CFLAR: variants seen among roughly 807,000 people sequenced by gnomAD.
CFLAR encodes CASP8 and FADD like apoptosis regulator, also known as CASP8 and FADD-like apoptosis regulator.
Under a neutral mutation model 51.1 loss-of-function variants are expected in CFLAR, and 14 were observed. That is an observed-to-expected ratio of 0.27 (90% CI 0.18 to 0.43). The LOEUF is 0.43. Among genes scored for constraint, CFLAR ranks in the 20% least tolerant of loss-of-function variants. The pLI, the probability that CFLAR is intolerant of heterozygous loss-of-function variation, is 1.00. For missense variants in CFLAR, 390 were observed against 566.5 expected (o/e 0.69, Z 3.16); for synonymous variants, 210 against 211.6 (o/e 0.99, Z 0.06).
intron 5 of CFLAR, chr2:201,141,916 C>G (rs1938995503): frequency 6.6e-6 from 1 of 152,430 alleles, no homozygotes; most frequent in Admixed American, 6.6e-5. Context: ...GTGTTAACAG[C>G]TCTTTTAGAA....
chr2:201,145,521 TTATC>T, intron 6 of CFLAR, 89 bp downstream of exon 6: 1 of 846,086 alleles, frequency 1.2e-6, no homozygotes, highest in Non-Finnish European at 2.0e-6. Context: ...GTCATTTCCT[TTATC>T]TACATAATCT....
At chr2:201,117,772 T>G (rs1210524083) in intron 1 of CFLAR, among the ~76,000 whole-genome samples, 1 of 149,574 alleles carries the variant, frequency 6.7e-6, no homozygotes, top group Non-Finnish European at 1.5e-5. Flanking sequence ...TTTTTTTTTT[T>G]GAGACAGCAT....
At chr2:201,133,253 C>A in intron 3 of CFLAR, 119 bp downstream of exon 3, 1 of 662,160 alleles carries the variant, frequency 1.5e-6, no homozygotes, top group South Asian at 1.8e-5. Context: ...AGTCAGACAT[C>A]TCAGGTGGCT....
Position 201,160,824 on chromosome 2 carries a change from C to T in CFLAR, c.1186C>T (p.His396Tyr), listed in dbSNP as rs1168168694. Residue 396 changes from histidine to tyrosine, a missense_variant, in exon 9 of 10, where the codon CAC becomes TAC. By Grantham distance (83) the His-to-Tyr change is moderately conservative. Around this residue, in one of 2 missense-constraint regions of CFLAR, gnomAD observed 287 missense variants for 363.6 expected, o/e 0.79. Transcript: ENST00000309955. ...TCAGAAGCGAGGGCTGTGCACAGTTCACCGAGAAGCTGACTTCTTCTGGAG... is the reference window on the plus strand; with the variant it reads ...TCAGAAGCGAGGGCTGTGCACAGTTTACCGAGAAGCTGACTTCTTCTGGAG... ...KAQKRGLCTVHREADFFWSLC... is the reference protein window; with the variant it reads ...KAQKRGLCTVYREADFFWSLC... 2 of 1,614,034 alleles carry T rather than the reference C, an allele frequency of 1.2e-6. No individual in the cohort carries two copies. The highest frequency in any genetic ancestry group is 8.5e-7 in the Non-Finnish European group (1 of 1,179,922).
intron 2 of CFLAR, 41 bp downstream of exon 2, chr2:201,130,187 G>GGGGGGGGGGGCCCA: frequency 3.4e-6 from 1 of 292,392 alleles, no homozygotes; most frequent in Non-Finnish European, 7.1e-6. Context: ...GGGTGGGAGG[G>GGGGGGGGGGGCCCA]AGTGAAGTGT....
Position 201,169,594 on chromosome 2 carries a change from A to G in CFLAR, c.*5621A>G, listed in dbSNP as rs772804534. ...TCAAAAGCAATTGCAACAAAAGCAA[A>G]AATTACAAATGGGATCTAATTAAAC... On this transcript the variant is annotated 3_prime_UTR_variant, in exon 10 of 10. Transcript: ENST00000309955. 6.6e-6 allele frequency: 1 copy of G among 152,228 alleles called. No individual in the cohort carries two copies. Among genetic ancestry groups the G allele is most frequent in the Non-Finnish European group, 1.5e-5 (1 of 68,038 alleles). 9.4% of individuals were successfully genotyped at this position (152,228 alleles called of 1,614,324 possible).
intron 6 of CFLAR, chr2:201,146,258 T>G (rs1940142599): frequency 6.6e-6 from 1 of 152,278 alleles, no homozygotes; most frequent in Non-Finnish European, 1.5e-5. Flanking sequence ...GTGATTCTTA[T>G]GCCTCAGCCT....
chr2:201,144,200 CTT>C (rs1398276188), intron 5 of CFLAR: 4 of 152,214 alleles, frequency 2.6e-5, no homozygotes, highest in African/African-American at 9.6e-5. Flanking sequence ...GTATTTCACT[CTT>C]TTGGCTAGGT....
Position 201,116,782 on chromosome 2 carries a change from G to GA in CFLAR, c.-138+303dup, listed in dbSNP as rs1433321641. ...CGTTTCCGCCCGGCTCCGAACCCCCGAACCCCTTCTACCCGCAACTCCGCC... is the reference window on the plus strand; with the variant it reads ...CGTTTCCGCCCGGCTCCGAACCCCCGAAACCCCTTCTACCCGCAACTCCGCC... On this transcript the variant is annotated intron_variant, in intron 1 of 9. Coordinates refer to ENST00000309955, the MANE Select transcript of CFLAR (RefSeq NM_003879.7). This position sits in a 1 kb window ranked among gnomAD's most constrained non-coding sequence, Gnocchi z 4.8. 6.6e-6 allele frequency: 1 copy of GA among 152,284 alleles called. No homozygotes were observed. The highest frequency in any genetic ancestry group is 2.4e-5 in the African/African-American group (1 of 41,442). The allele number at this position is 152,284 out of a possible 1,614,324, so 9.4% of individuals were successfully genotyped here. A position where few individuals can be genotyped will look rare whatever the true frequency, so the allele number is the denominator to read the frequency against.
rs1943961832 is a variant in CFLAR, at chr2:201,170,735, A to C, written c.*6762A>C. On this transcript the variant is annotated 3_prime_UTR_variant, in exon 10 of 10. Coordinates refer to ENST00000309955, the MANE Select transcript of CFLAR (RefSeq NM_003879.7). ...GTATGTGTTCATGTATAGCTTTTAC[A>C]TGATTGGAATCATAATGCATATTCC... is the stretch of plus-strand genomic sequence containing the variant. 1 of 152,232 alleles carries C rather than the reference A, an allele frequency of 6.6e-6. No homozygotes were observed. The highest frequency in any genetic ancestry group is 2.4e-5 in the African/African-American group (1 of 41,462). The allele number at this position is 152,232 out of a possible 1,614,324, so 9.4% of individuals were successfully genotyped here.
chr2:201,147,961 T>G (rs1213967526), intron 6 of CFLAR: 6 of 152,248 alleles, frequency 3.9e-5, no homozygotes, highest in Non-Finnish European at 8.8e-5. Context: ...TTGAATTTGA[T>G]GAGGATGGTG....
At chr2:201,141,310 A>G (rs1938788385) in intron 5 of CFLAR, 21 of 1,525,074 alleles carry the variant, frequency 1.4e-5, no homozygotes, top group Admixed American at 6.4e-5. Flanking sequence ...GAACTAGTTC[A>G]TTCTGTAACT....
Position 201,161,418 on chromosome 2 carries a change from T to TA in CFLAR, c.1304+476_1304+477insA, listed in dbSNP as rs1301997481. Reference sequence around the variant, plus strand: ...AAATAACAAATTTATTTATTTTTATTTATTTTTTTTTTTGAGATGGAGTCT... The same window carrying TA: ...AAATAACAAATTTATTTATTTTTATTATATTTTTTTTTTTGAGATGGAGTCT... On this transcript the variant is annotated intron_variant, in intron 9 of 9. Coordinates refer to ENST00000309955, the MANE Select transcript of CFLAR (RefSeq NM_003879.7). Among the ~76,000 whole-genome samples the TA allele has an allele frequency of 5.5e-5, 7 of 127,036 alleles. No individual in the cohort carries two copies. In the East Asian group the frequency reaches 6.3e-4, roughly 11 times the overall value. The allele number at this position is 127,036 out of a possible 152,430, so 83.3% of individuals were successfully genotyped here.
Position 201,140,363 on chromosome 2 carries a change from G to C in CFLAR, c.530G>C (p.Gly177Ala), listed in dbSNP as rs923199013. ...KIQKYKQSVQ[G>A]AGTSYRNVLQ... ...CTCCCTTCTGCTTTTATAGTTCAAG[G>C]AGCAGGGACAAGTTACAGGAATGTT... Residue 177 changes from glycine (G) to alanine (A), a missense_variant, in exon 5 of 10, where the codon GGA becomes GCA. Coordinates refer to ENST00000309955, the MANE Select transcript of CFLAR (RefSeq NM_003879.7). The C allele has an allele frequency of 2.5e-6, 4 of 1,606,134 alleles. No homozygotes were observed. Among genetic ancestry groups the C allele is most frequent in the Non-Finnish European group, 3.4e-6 (4 of 1,176,182 alleles).
rs1203655974 is a variant in CFLAR, at chr2:201,167,647, T to A, written c.*3674T>A. ...TGCCAGTGGGAAGTAATGTGTATGC[T>A]TGGCCTCATGAGCTAAAACCCTGTG... On this transcript the variant is annotated 3_prime_UTR_variant, in exon 10 of 10. Transcript: ENST00000309955. The A allele has an allele frequency of 6.6e-6, 1 of 152,254 alleles. No homozygotes were observed. The highest frequency in any genetic ancestry group is 1.5e-5 in the Non-Finnish European group (1 of 68,046). 9.4% of individuals were successfully genotyped at this position (152,254 alleles called of 1,614,324 possible). A position where few individuals can be genotyped will look rare whatever the true frequency, so the allele number is the denominator to read the frequency against.
intron 8 of CFLAR, among the ~76,000 whole-genome samples, chr2:201,155,086 G>T (rs1402459085): frequency 6.6e-6 from 1 of 152,198 alleles, no homozygotes; most frequent in African/African-American, 2.4e-5. Flanking sequence ...CAGCAAAGCT[G>T]GACCTGTGCT....
chr2:201,161,295 C>T lies in CFLAR; in HGVS notation c.1304+353C>T, dbSNP rs186843309. On this transcript the variant is annotated intron_variant, in intron 9 of 9. Transcript: ENST00000309955. ...CTAAGGTAGGAGGATTGCTTGAGCC[C>T]AGGAGTTTGAGGCTGCAGTGAGTCG... Among the ~76,000 whole-genome samples the T allele has an allele frequency of 9.1e-4, 139 of 152,258 alleles. 1 individual carries two copies. In the East Asian group the frequency reaches 0.025, roughly 28 times the overall value.
At chr2:201,128,266 T>C (rs2048897211) in intron 1 of CFLAR, among the ~76,000 whole-genome samples, 2 of 152,210 alleles carry the variant, frequency 1.3e-5, no homozygotes, top group African/African-American at 4.8e-5. Context: ...ATTAAAGCAC[T>C]GTTGGCCTGC....
At chr2:201,155,359 G>A (rs1204403302) in intron 8 of CFLAR, among the ~76,000 whole-genome samples, 3 of 151,558 alleles carry the variant, frequency 2.0e-5, no homozygotes, top group Admixed American at 6.6e-5. Context: ...TCTGTCTCCC[G>A]GGTTCAAGCG....
Sources: gnomAD v4.1 joint callset for allele counts (sites outside exome capture counted in the v4.1 genomes callset) on GRCh38, gnomAD v4.1.1 for gene constraint, gnomAD v4.1.1 regional missense constraint, Gnocchi (gnomAD v3.1) non-coding constraint, MANE v1.5 for transcripts, NCBI Gene and HGNC (gene_info 2026-07-23, HGNC 2026-07-21) for gene names.